The following SHOX2 variants were observed in gnomAD, a reference collection of about 807,000 sequenced individuals.
SHOX2 encodes SHOX homeobox 2, also known as short stature homeobox protein 2.
Under a neutral mutation model 31.3 loss-of-function variants are expected in SHOX2, and 13 were observed. The observed-to-expected ratio is 0.42, with a 90% CI of 0.27 to 0.66. The LOEUF is 0.66. Ranked by LOEUF, SHOX2 falls within the 30% of genes least tolerant of loss-of-function variation. SHOX2 has a pLI of 0.27. For synonymous variants in SHOX2, 244 were observed against 196.2 expected, an observed-to-expected ratio of 1.24 and a Z score of -2.04; for missense variants, 473 against 443.0, an observed-to-expected ratio of 1.07 and a Z score of -0.61.
Position 158,096,889 on chromosome 3 carries a change from AAT to A in SHOX2, c.*1136_*1137del, listed in dbSNP as rs769658802. 0.036 allele frequency: 829 copies of A among 22,986 alleles called. 15 individuals are homozygous for A. Among genetic ancestry groups the A allele is most frequent in the African/African-American group, 0.042 (264 of 6,284 alleles). The allele number at this position is 22,986 out of a possible 1,614,324, so 1.4% of individuals were successfully genotyped here. A position where few individuals can be genotyped will look rare whatever the true frequency, so the allele number is the denominator to read the frequency against. Reference sequence around the variant, plus strand: ...GTTCCCCAGGATCAAAGACAGGGCAAATATATATATATATATATATATATATA... The same window carrying A: ...GTTCCCCAGGATCAAAGACAGGGCAAATATATATATATATATATATATATA... On this transcript the variant is annotated 3_prime_UTR_variant, in exon 5 of 5. Transcript: ENST00000483851.
rs373210081 is a variant in SHOX2, at chr3:158,096,793, A to G, written c.*1234T>C. 84 of 150,518 alleles carry G rather than the reference A, an allele frequency of 5.6e-4. 1 individual carries two copies. The highest frequency in any genetic ancestry group is 8.9e-5 in the Non-Finnish European group (6 of 67,630). The allele number at this position is 150,518 out of a possible 1,614,324, so 9.3% of individuals were successfully genotyped here. A position where few individuals can be genotyped will look rare whatever the true frequency, so the allele number is the denominator to read the frequency against. On this transcript the variant is annotated 3_prime_UTR_variant, in exon 5 of 5. Transcript: ENST00000483851. ...GTCTTGTTTTCTTTTTCCTTTCCCC[A>G]CATATTCTGCCCACCTCTGTCTTCT...
At position 158,105,751 on chromosome 3, in the gene SHOX2, A is replaced by G. The variant is rs1713864404; in HGVS notation, c.274T>C (p.Ser92Pro). The G allele has an allele frequency of 6.6e-7, 1 of 1,518,518 alleles. No homozygotes were observed. The highest frequency in any genetic ancestry group is 2.8e-5 in the East Asian group (1 of 36,144). 94.1% of individuals were successfully genotyped at this position (1,518,518 alleles called of 1,614,324 possible). The change falls in exon 1 of 5, where the codon TCT (serine) becomes CCT (proline). Residue 92 changes from serine to proline, a missense_variant. By Grantham distance (74) the Ser-to-Pro change is moderately conservative (BLOSUM62 -1). Coordinates refer to ENST00000483851, the MANE Select transcript of SHOX2 (RefSeq NM_001163678.2). ...CCCATGTCCAGCTCCCGGACGGGAG[A>G]GCGCCCTCCTCCAGCTCCTCCGCCT... ...GAGGGAGGGR[S>P]PVRELDMGAA...
At position 158,102,890 on chromosome 3, in the gene SHOX2, G is replaced by A. The variant is rs1249998420; in HGVS notation, c.347-4C>T. On this transcript the variant is annotated splice_polypyrimidine_tract_variant and splice_region_variant and intron_variant, in intron 1 of 4. Transcript: ENST00000483851. ...CGATCTTTCAGCTCCGGGGACACTG[G>A]AGGGGGCACCCCAGCGGGGCCACAC... is the stretch of plus-strand genomic sequence containing the variant. 2 of 1,613,500 alleles carry A rather than the reference G, an allele frequency of 1.2e-6. No individual in the cohort carries two copies. The highest frequency in any genetic ancestry group is 2.7e-5 in the African/African-American group (2 of 74,836).
At chr3:158,104,522 T>G (rs1713730147) in intron 1 of SHOX2, among the ~76,000 whole-genome samples, 2 of 152,258 alleles carry the variant, frequency 1.3e-5, no homozygotes, top group Non-Finnish European at 2.9e-5. Context: ...AGCAAAGTAT[T>G]TTTACTGATA....
chr3:158,102,852 C>G lies in SHOX2; in HGVS notation c.381G>C (p.Ala127=). The G allele has an allele frequency of 6.2e-7, 1 of 1,614,092 alleles. No individual in the cohort carries two copies. Among genetic ancestry groups the G allele is most frequent in the Non-Finnish European group, 8.5e-7 (1 of 1,180,030 alleles). Residue 127 remains alanine, a synonymous_variant, in exon 2 of 5, where the codon GCG becomes GCC. Coordinates refer to ENST00000483851, the MANE Select transcript of SHOX2 (RefSeq NM_001163678.2). ...SPELKDRKED[A]KGMEDEGQTK... is the part of the protein sequence containing the mutation. ...TCTGGCCTTCGTCCTCCATCCCTTT[C>G]GCATCCTCTTTGCGATCTTTCAGCT...
chr3:158,106,003 C>T lies in SHOX2; in HGVS notation c.22G>A (p.Val8Ile). The change falls in exon 1 of 5, where the codon GTC (valine) becomes ATC (isoleucine). Residue 8 changes from valine (V) to isoleucine (I), a missense_variant. Val to Ile is a conservative substitution (Grantham distance 29). Coordinates refer to ENST00000483851, the MANE Select transcript of SHOX2 (RefSeq NM_001163678.2). MEELTAF[V>I]SKSFDQKVKE... ...ACTTTCTGGTCAAAAGACTTGGAGA[C>T]GAACGCCGTAAGTTCTTCCATCGCC... is the stretch of plus-strand genomic sequence containing the variant. 6.2e-7 allele frequency: 1 copy of T among 1,613,114 alleles called. No homozygotes were observed. The highest frequency in any genetic ancestry group is 8.5e-7 in the Non-Finnish European group (1 of 1,179,728).
At chr3:158,101,044 G>T (rs111839099) in intron 2 of SHOX2, among the ~76,000 whole-genome samples, 6,069 of 152,274 alleles carry the variant, frequency 0.04, 170 homozygotes, top group Non-Finnish European at 0.06. Flanking sequence ...TATATATAAA[G>T]CAAGTAACTC....
chr3:158,096,930 A>ATATATATATG lies in SHOX2; in HGVS notation c.*1096_*1097insCATATATATA, dbSNP rs67436323. 566 of 102,058 alleles carry ATATATATATG rather than the reference A, an allele frequency of 5.5e-3. 39 individuals carry two copies. Among genetic ancestry groups the ATATATATATG allele is most frequent in the East Asian group, 0.02 (45 of 2,200 alleles). 6.3% of individuals were successfully genotyped at this position (102,058 alleles called of 1,614,324 possible). A position where few individuals can be genotyped will look rare whatever the true frequency, so the allele number is the denominator to read the frequency against. On this transcript the variant is annotated 3_prime_UTR_variant, in exon 5 of 5. Coordinates refer to ENST00000483851, the MANE Select transcript of SHOX2 (RefSeq NM_001163678.2). The stretch of plus-strand genomic sequence containing the variant: ...TATATATATATATATATATATATAT[A>ATATATATATG]TGGCAAATATATGATATATATATAT...
At position 158,106,306 on chromosome 3, in the gene SHOX2, G is replaced by C; in HGVS notation, c.-282C>G. On this transcript the variant is annotated 5_prime_UTR_variant, in exon 1 of 5. Transcript: ENST00000483851. ...GAGAGGGAGGAGGAGGAGGAGAAGA[G>C]AAGGGGCGGGGGCTGCCGGAGGGAA... 1 of 446,120 alleles carries C rather than the reference G, an allele frequency of 2.2e-6. No individual in the cohort carries two copies. Among genetic ancestry groups the C allele is most frequent in the Non-Finnish European group, 3.9e-6 (1 of 253,172 alleles). The allele number at this position is 446,120 out of a possible 1,614,324, so 27.6% of individuals were successfully genotyped here. A position where few individuals can be genotyped will look rare whatever the true frequency, so the allele number is the denominator to read the frequency against.
intron 1 of SHOX2, among the ~76,000 whole-genome samples, chr3:158,104,416 T>C (rs1713722943): frequency 6.6e-6 from 1 of 152,260 alleles, no homozygotes; most frequent in South Asian, 2.1e-4. Flanking sequence ...TGATCTTAAA[T>C]ATTGCCGTAT....
Position 158,098,175 on chromosome 3 carries a change from C to T in SHOX2, c.812G>A (p.Gly271Glu). 6.2e-7 allele frequency: 1 copy of T among 1,613,638 alleles called. No homozygotes were observed. Among genetic ancestry groups the T allele is most frequent in the Non-Finnish European group, 8.5e-7 (1 of 1,179,768 alleles). Residue 271 changes from glycine (G) to glutamate (E), a missense_variant, in exon 5 of 5, where the codon GGA becomes GAA. Around this residue, in one of 3 missense-constraint regions of SHOX2, gnomAD observed 182 missense variants for 167.2 expected, o/e 1.09. Coordinates refer to ENST00000483851, the MANE Select transcript of SHOX2 (RefSeq NM_001163678.2). The stretch of plus-strand genomic sequence containing the variant: ...CGCGGCCAGCGTGGCGAGCGGCAGT[C>T]CGAAGGGCGGTGCTGGGAACATCAT... ...PYMMFPAPPF[G>E]LPLATLAADS...
At chr3:158,101,855 T>C (rs1023685021) in intron 2 of SHOX2, among the ~76,000 whole-genome samples, 2 of 152,232 alleles carry the variant, frequency 1.3e-5, no homozygotes, top group Non-Finnish European at 2.9e-5. Context: ...GAAGGATATG[T>C]GTATGTGAAT....
At chr3:158,098,381 G>C (rs1315567487) in intron 4 of SHOX2, 97 bp from the exon 5 acceptor site, 27 of 1,482,788 alleles carry the variant, frequency 1.8e-5, no homozygotes, top group Non-Finnish European at 2.4e-5. Context: ...CAGAGAGAGA[G>C]TTGGGTTGTG....
rs769222294 is a variant in SHOX2, at chr3:158,102,775, T to C, written c.458A>G (p.Asn153Ser). The change falls in exon 2 of 5, where the codon AAT becomes AGT. Residue 153 changes from asparagine (N) to serine (S), a missense_variant. Asn to Ser is a conservative substitution (Grantham distance 46, BLOSUM62 1). This residue lies in a region of SHOX2 where 276 missense variants were observed against 230.0 expected (regional missense o/e 1.20). Transcript: ENST00000483851. ...SRTNFTLEQLNELERLFDETH... is the reference protein window; with the variant it reads ...SRTNFTLEQLSELERLFDETH... The stretch of plus-strand genomic sequence containing the variant: ...CTCGTCAAAAAGCCTCTCCAGCTCA[T>C]TGAGTTGTTCCAGGGTGAAATTGGT... The C allele has an allele frequency of 4.3e-6, 7 of 1,613,934 alleles. No individual in the cohort carries two copies. The highest frequency in any genetic ancestry group is 2.2e-5 in the East Asian group (1 of 44,844).
chr3:158,104,857 A>G (rs1176136471), intron 1 of SHOX2, among the ~76,000 whole-genome samples: 1 of 152,210 alleles, frequency 6.6e-6, no homozygotes, highest in Non-Finnish European at 1.5e-5. Context: ...CCAAGTGCCA[A>G]ATCAATTTTA....
chr3:158,097,894 G>A lies in SHOX2; in HGVS notation c.*133C>T, dbSNP rs1263244067. ...CCGAGTCCAAGATGCGATAGGGGAC[G>A]AGGGATGGTCAGTGAGGCGGGAAGA... On this transcript the variant is annotated 3_prime_UTR_variant, in exon 5 of 5. Coordinates refer to ENST00000483851, the MANE Select transcript of SHOX2 (RefSeq NM_001163678.2). 2.6e-6 allele frequency: 3 copies of A among 1,163,888 alleles called. No homozygotes were observed. The highest frequency in any genetic ancestry group is 2.4e-5 in the East Asian group (1 of 42,056). 72.1% of individuals were successfully genotyped at this position (1,163,888 alleles called of 1,614,324 possible).
chr3:158,102,468 ATATGT>A (rs1282829032), intron 2 of SHOX2, among the ~76,000 whole-genome samples: 1 of 139,028 alleles, frequency 7.2e-6, no homozygotes, highest in Non-Finnish European at 1.5e-5. Context: ...TTCTGGGAAC[ATATGT>A]TAGGATGGAA....
Position 158,105,838 on chromosome 3 carries a change from C to A in SHOX2, c.187G>T (p.Gly63Cys). Reference protein sequence around the residue: ...SPAVRAAGGGGGGGGGGGGGG... With the variant: ...SPAVRAAGGGCGGGGGGGGGG... ...CCGCCGCCTCCGCCTCCTCCGCCGCCGCCTCCGCCGGCCGCCCGGACTGCC... is the reference window on the plus strand; with the variant it reads ...CCGCCGCCTCCGCCTCCTCCGCCGCAGCCTCCGCCGGCCGCCCGGACTGCC... Residue 63 changes from glycine to cysteine, a missense_variant, in exon 1 of 5, where the codon GGC becomes TGC. Transcript: ENST00000483851. The A allele has an allele frequency of 6.9e-7, 1 of 1,447,616 alleles. No homozygotes were observed. The highest frequency in any genetic ancestry group is 1.4e-5 in the South Asian group (1 of 70,488). 89.7% of individuals were successfully genotyped at this position (1,447,616 alleles called of 1,614,324 possible).
At position 158,098,101 on chromosome 3, in the gene SHOX2, T is replaced by A. The variant is rs199533693; in HGVS notation, c.886A>T (p.Thr296Ser). Residue 296 changes from threonine to serine, a missense_variant, in exon 5 of 5, where the codon ACC (threonine) becomes TCC (serine). Physicochemically the swap from Thr to Ser is moderately conservative, Grantham distance 58. Coordinates refer to ENST00000483851, the MANE Select transcript of SHOX2 (RefSeq NM_001163678.2). ...GCGATGCTGGAGTTCTTGCTGGTGG[T>A]CTTGGCGGCTGCTGCGGCCGCCACT... ...SVVAAAAAAK[T>S]TSKNSSIADL... 86 of 1,612,674 alleles carry A rather than the reference T, an allele frequency of 5.3e-5. 1 individual carries two copies. The Admixed American group carries it at 1.4e-3, about 26-fold the overall frequency.
Sources: allele counts gnomAD v4.1 joint callset (sites outside exome capture counted in the v4.1 genomes callset), GRCh38; gene constraint gnomAD v4.1.1; regional missense constraint gnomAD v4.1.1; transcripts MANE v1.5; gene names NCBI Gene and HGNC (gene_info 2026-07-23, HGNC 2026-07-21).